GALNT13: variants seen among roughly 807,000 people sequenced by gnomAD.
GALNT13 encodes the protein UDP-GalNAc:polypeptide N-acetylgalactosaminyltransferase 13.
A neutral mutation model predicts 64.2 loss-of-function variants in GALNT13; 28 were observed. The observed-to-expected ratio is 0.44, with a 90% CI of 0.32 to 0.60. The LOEUF (loss-of-function observed/expected upper bound fraction) is 0.60. GALNT13 is among the 20% of genes least tolerant of loss of function. The pLI is 0.05. For synonymous variants in GALNT13, 214 were observed against 224.6 expected, an observed-to-expected ratio of 0.95 and a Z score of 0.42; for missense variants, 577 against 669.8, an observed-to-expected ratio of 0.86 and a Z score of 1.53.
At chr2:153,132,932 A>G in the GALNT13 span, among the ~76,000 whole-genome samples, 1 of 151,976 alleles carries the variant, frequency 6.6e-6, no homozygotes, top group African/African-American at 2.4e-5. Context: ...CATGTTACCC[A>G]GGCTGGTCTT....
chr2:153,504,344 C>A, the GALNT13 span, among the ~76,000 whole-genome samples: 1 of 152,166 alleles, frequency 6.6e-6, no homozygotes, highest in Non-Finnish European at 1.5e-5. Flanking sequence ...AACAGTTTGA[C>A]TTTCTCTTTA....
chr2:153,795,518 T>G, the GALNT13 span, among the ~76,000 whole-genome samples: 2 of 151,602 alleles, frequency 1.3e-5, no homozygotes, highest in Non-Finnish European at 2.9e-5. Context: ...AAATCCCAGC[T>G]AGGTACTTTT....
chr2:153,070,899 T>G, the GALNT13 span, among the ~76,000 whole-genome samples: 10 of 152,296 alleles, frequency 6.6e-5, no homozygotes, highest in East Asian at 1.5e-3. Flanking sequence ...TGGTCTTAGC[T>G]CAAGGGTGAA....
chr2:153,403,007 C>A, the GALNT13 span, among the ~76,000 whole-genome samples: 47 of 151,532 alleles, frequency 3.1e-4, no homozygotes, highest in African/African-American at 1.1e-3. Context: ...AGGCACTCTG[C>A]TTTTTAGAGT....
the GALNT13 span, among the ~76,000 whole-genome samples, chr2:153,848,945 T>C: frequency 6.7e-6 from 1 of 149,084 alleles, no homozygotes; most frequent in Non-Finnish European, 1.5e-5. Flanking sequence ...TATTTTATAA[T>C]ACAGCAAAAT....
the GALNT13 span, among the ~76,000 whole-genome samples, chr2:153,574,152 G>A: frequency 7.0e-6 from 1 of 143,524 alleles, no homozygotes; most frequent in Non-Finnish European, 1.5e-5. Context: ...TTTTACTTTA[G>A]TACTTTAAAT....
chr2:153,986,820 C>T (rs1519200), intron 3 of GALNT13, among the ~76,000 whole-genome samples: 13,455 of 151,840 alleles, frequency 0.089, 1,575 homozygotes, highest in East Asian at 0.62. Flanking sequence ...AAAGGCTGCT[C>T]GTGCAGGATC....
chr2:153,710,169 T>TAGATAC, the GALNT13 span, among the ~76,000 whole-genome samples: 1 of 152,132 alleles, frequency 6.6e-6, no homozygotes, highest in African/African-American at 2.4e-5. Flanking sequence ...TGTGAGGTGA[T>TAGATAC]AGATACATTA....
the GALNT13 span, among the ~76,000 whole-genome samples, chr2:153,760,639 G>A: frequency 2.0e-5 from 3 of 152,040 alleles, no homozygotes; most frequent in Admixed American, 6.6e-5. Flanking sequence ...GTTCAGACTT[G>A]TTTTGTAGCC....
chr2:153,443,220 T>C, the GALNT13 span, among the ~76,000 whole-genome samples: 2 of 152,206 alleles, frequency 1.3e-5, no homozygotes, highest in African/African-American at 2.4e-5. Context: ...TTGCAAACAC[T>C]GTGGGAAAAG....
chr2:153,566,188 C>T, the GALNT13 span, among the ~76,000 whole-genome samples: 1 of 151,958 alleles, frequency 6.6e-6, no homozygotes, highest in African/African-American at 2.4e-5. Context: ...TTCATTATAA[C>T]ATTTGATTCT....
At chr2:153,303,853 C>A in the GALNT13 span, among the ~76,000 whole-genome samples, 1,007 of 152,122 alleles carry the variant, frequency 6.6e-3, 12 homozygotes, top group African/African-American at 0.022. Context: ...AGACTAGATA[C>A]CCCAAGAGAT....
At chr2:153,188,502 G>A in the GALNT13 span, among the ~76,000 whole-genome samples, 7 of 152,200 alleles carry the variant, frequency 4.6e-5, 1 homozygote, top group African/African-American at 1.4e-4. Flanking sequence ...TGTTCAAAAT[G>A]TAGCATTCTC....
chr2:153,240,945 G>A, the GALNT13 span, among the ~76,000 whole-genome samples: 8 of 152,136 alleles, frequency 5.3e-5, no homozygotes, highest in Admixed American at 5.2e-4. Flanking sequence ...TTAGTAGGAA[G>A]AGTCTTGATT....
chr2:154,077,966 C>A (rs1701075914), intron 3 of GALNT13, among the ~76,000 whole-genome samples: 1 of 151,348 alleles, frequency 6.6e-6, no homozygotes, highest in Admixed American at 6.6e-5. Flanking sequence ...TTTTTAAAAA[C>A]AGAAGGAAAT....
chr2:154,252,296 A>G (rs1690109712), intron 7 of GALNT13, among the ~76,000 whole-genome samples: 1 of 151,836 alleles, frequency 6.6e-6, no homozygotes, highest in Non-Finnish European at 1.5e-5. Flanking sequence ...AACATGGTAC[A>G]TAAACATGGA....
intron 3 of GALNT13, among the ~76,000 whole-genome samples, chr2:154,045,529 A>G (rs764249260): frequency 1.5e-4 from 23 of 152,034 alleles, no homozygotes; most frequent in Non-Finnish European, 3.4e-4. Flanking sequence ...TCATCTTTCC[A>G]TTTCTTTCTT....
the GALNT13 span, among the ~76,000 whole-genome samples, chr2:153,630,686 A>T: frequency 2.8e-5 from 4 of 143,816 alleles, no homozygotes; most frequent in Non-Finnish European, 6.1e-5. Flanking sequence ...ATTAAAAAAA[A>T]TTAAAAAAAA....
At chr2:153,766,783 A>G in the GALNT13 span, among the ~76,000 whole-genome samples, 1 of 151,796 alleles carries the variant, frequency 6.6e-6, no homozygotes, top group Non-Finnish European at 1.5e-5. Flanking sequence ...TTAATATTTT[A>G]TTATTTTTAC....
Sources: allele counts gnomAD v4.1 joint callset (sites outside exome capture counted in the v4.1 genomes callset), GRCh38; gene constraint gnomAD v4.1.1; transcripts MANE v1.5; gene names NCBI Gene and HGNC (gene_info 2026-07-23, HGNC 2026-07-21).